Variants in ATP7A observed in about 807,000 individuals in gnomAD.
ATP7A encodes copper-transporting ATPase 1.
Under a neutral mutation model 83.5 loss-of-function variants are expected in ATP7A, and 7 were observed. The observed-to-expected ratio is 0.08, with a 90% CI of 0.05 to 0.16. The LOEUF is 0.16. Among genes scored for constraint, ATP7A ranks in the 10% least tolerant of loss-of-function variants. The pLI, the probability that ATP7A is intolerant of heterozygous loss-of-function variation, is 1.00. For synonymous variants in ATP7A, 354 were observed against 395.2 expected, an observed-to-expected ratio of 0.90 and a Z score of 1.24; for missense variants, 940 against 1,120.8, an observed-to-expected ratio of 0.84 and a Z score of 2.30.
intron 4 of ATP7A, among the ~76,000 whole-genome samples, chrX:77,992,402 C>G (rs1393562396): frequency 9.1e-6 from 1 of 110,344 alleles, no homozygotes; most frequent in Non-Finnish European, 1.9e-5. Flanking sequence ...ACATAGTTCT[C>G]TATTAGAAAA....
chrX:77,934,737 A>G (rs2077310708), intron 1 of ATP7A, among the ~76,000 whole-genome samples: 1 of 111,242 alleles, frequency 9.0e-6, no homozygotes, highest in Non-Finnish European at 1.9e-5. Context: ...CAAATTAGGA[A>G]TGCTCAACCT....
chrX:77,932,310 G>A (rs1314554308), intron 1 of ATP7A, among the ~76,000 whole-genome samples: 5 of 109,427 alleles, frequency 4.6e-5, no homozygotes, highest in African/African-American at 1.7e-4. Context: ...GACGATGGGC[G>A]GCCGGGCAGA....
chrX:78,007,954 A>G (rs2077789031), intron 6 of ATP7A, among the ~76,000 whole-genome samples: 1 of 112,209 alleles, frequency 8.9e-6, no homozygotes, highest in Non-Finnish European at 1.9e-5. Context: ...TCTTTTAGTT[A>G]TTTTTAAATG....
chrX:77,976,591 C>G (rs1323010018), intron 2 of ATP7A, among the ~76,000 whole-genome samples: 1 of 111,742 alleles, frequency 8.9e-6, no homozygotes, highest in Non-Finnish European at 1.9e-5. Context: ...GACAATTCTT[C>G]TCTTCCTAAT....
intron 13 of ATP7A, among the ~76,000 whole-genome samples, chrX:78,020,702 A>G (rs959866270): frequency 1.8e-5 from 2 of 110,522 alleles, no homozygotes; most frequent in Admixed American, 1.9e-4. Flanking sequence ...ATTTTTTTTT[A>G]TAGAAACAGG....
At chrX:77,990,350 G>A (rs1182093648) in intron 4 of ATP7A, among the ~76,000 whole-genome samples, 1 of 112,110 alleles carries the variant, frequency 8.9e-6, no homozygotes, top group African/African-American at 3.2e-5. Flanking sequence ...TTTACGCCAT[G>A]TATATATTGT....
At chrX:77,969,752 A>G in intron 1 of ATP7A, 1 of 913,780 alleles carries the variant, frequency 1.1e-6, no homozygotes. Context: ...CCCTCACCAG[A>G]GGAACCACTG....
intron 2 of ATP7A, among the ~76,000 whole-genome samples, chrX:77,980,191 T>C (rs781826087): frequency 8.9e-6 from 1 of 112,213 alleles, no homozygotes; most frequent in Non-Finnish European, 1.9e-5. Context: ...ATTCTCTTAA[T>C]AGAGACTATC....
intron 1 of ATP7A, among the ~76,000 whole-genome samples, chrX:77,921,326 T>C (rs1167460577): frequency 8.9e-6 from 1 of 112,022 alleles, no homozygotes; most frequent in Non-Finnish European, 1.9e-5. Context: ...TCCTACTCAA[T>C]CTTCAAGGCC....
At position 78,011,573 on chromosome X, in the gene ATP7A, G is replaced by A. The variant is rs944415019; in HGVS notation, c.2071G>A (p.Glu691Lys). 9.1e-6 allele frequency: 11 copies of A among 1,209,582 alleles called. No homozygotes were observed. Among genetic ancestry groups the A allele is most frequent in the Non-Finnish European group, 1.2e-5 (11 of 895,110 alleles). ...LHHNQNMSKE[E>K]MINLHSSMFL... is the part of the protein sequence containing the mutation. ...CCATAATCAAAACATGAGTAAAGAA[G>A]AAATGATCAACCTTCATTCTTCTAT... Residue 691 changes from glutamate (E) to lysine (K), a missense_variant, in exon 9 of 23, where the codon GAA becomes AAA. Around this residue, in one of 3 missense-constraint regions of ATP7A, gnomAD observed 204 missense variants for 185.8 expected, o/e 1.10. Coordinates refer to ENST00000341514, the MANE Select transcript of ATP7A (RefSeq NM_000052.7).
At chrX:77,983,002 T>G (rs1476716240) in intron 2 of ATP7A, among the ~76,000 whole-genome samples, 1 of 112,056 alleles carries the variant, frequency 8.9e-6, no homozygotes, top group African/African-American at 3.2e-5. Context: ...GTATTGCGCC[T>G]TCTCCCTGTG....
intron 12 of ATP7A, among the ~76,000 whole-genome samples, chrX:78,019,256 C>T (rs782204157): frequency 1.5e-4 from 17 of 111,640 alleles, no homozygotes; most frequent in East Asian, 2.8e-4. Flanking sequence ...AGCTATGACA[C>T]GAGTCCAGGT....
At chrX:77,932,273 C>T (rs1405723940) in intron 1 of ATP7A, among the ~76,000 whole-genome samples, 25 of 106,758 alleles carry the variant, frequency 2.3e-4, no homozygotes, top group Admixed American at 2.2e-3. Flanking sequence ...GACGGGGCGG[C>T]GGGGCAGAGG....
chrX:78,011,426 T>C (rs1411275544), intron 8 of ATP7A, 23 bp from the exon 9 acceptor site: 8 of 1,187,546 alleles, frequency 6.7e-6, no homozygotes, highest in African/African-American at 1.8e-5. Flanking sequence ...ATGATTTTTC[T>C]TTTTTTATTT....
Position 78,039,080 on chromosome X carries a change from A to G in ATP7A, c.3658+98A>G. The stretch of plus-strand genomic sequence containing the variant: ...ACCTCTGAACTATGAGGGTTATTCA[A>G]AAGCATCTTGAATGCAAAATGAAAA... On this transcript the variant is annotated intron_variant, in intron 18 of 22. Coordinates refer to ENST00000341514, the MANE Select transcript of ATP7A (RefSeq NM_000052.7). 8.5e-6 allele frequency: 8 copies of G among 941,158 alleles called. No individual in the cohort carries two copies. In the South Asian group the frequency reaches 1.8e-4, roughly 21 times the overall value. The allele number at this position is 941,158 out of a possible 1,213,427, so 77.6% of individuals were successfully genotyped here. A position where few individuals can be genotyped will look rare whatever the true frequency, so the allele number is the denominator to read the frequency against.
In ATP7A at chrX:77,989,805, A is replaced by G. The variant is rs1557231890; in HGVS notation, c.1183A>G (p.Ile395Val). The change falls in exon 4 of 23, where the codon ATT (isoleucine) becomes GTT (valine). Residue 395 changes from isoleucine (I) to valine (V), a missense_variant. This residue lies in a region of ATP7A where 350 missense variants were observed against 432.8 expected (regional missense o/e 0.81). Transcript: ENST00000341514. ...GMTCNSCVQS[I>V]EGVISKKPGV... ...GACTTGTAATTCCTGTGTGCAGTCTATTGAGGGTGTCATATCAAAAAAGCC... is the reference window on the plus strand; with the variant it reads ...GACTTGTAATTCCTGTGTGCAGTCTGTTGAGGGTGTCATATCAAAAAAGCC... The G allele has an allele frequency of 8.3e-7, 1 of 1,211,325 alleles. No individual in the cohort carries two copies. Among genetic ancestry groups the G allele is most frequent in the Non-Finnish European group, 1.1e-6 (1 of 895,239 alleles).
intron 1 of ATP7A, among the ~76,000 whole-genome samples, chrX:77,948,296 GTTTT>G (rs2077394884): frequency 1.8e-5 from 2 of 108,291 alleles, no homozygotes; most frequent in Admixed American, 2.0e-4. Flanking sequence ...CCCCGCTAAT[GTTTT>G]TGTATTTTTA....
At chrX:77,918,929 A>T in intron 1 of ATP7A, among the ~76,000 whole-genome samples, 1 of 111,224 alleles carries the variant, frequency 9.0e-6, no homozygotes, top group East Asian at 2.8e-4. Context: ...CTCCCACTTG[A>T]AGGCTCCCCT....
At chrX:78,039,679 G>A (rs1328989458) in intron 18 of ATP7A, among the ~76,000 whole-genome samples, 1 of 112,021 alleles carries the variant, frequency 8.9e-6, no homozygotes, top group Admixed American at 9.5e-5. Flanking sequence ...TAGTTTTCTT[G>A]AAATGTGTGT....
Sources: gnomAD v4.1 joint callset for allele counts (sites outside exome capture counted in the v4.1 genomes callset) on GRCh38, gnomAD v4.1.1 for gene constraint, gnomAD v4.1.1 regional missense constraint, MANE v1.5 for transcripts, NCBI Gene and HGNC (gene_info 2026-07-23, HGNC 2026-07-21) for gene names.